Variants in CLPB observed in about 807,000 individuals in gnomAD.
CLPB encodes ClpB family mitochondrial disaggregase, also known as mitochondrial disaggregase.
Under a neutral mutation model 78.4 loss-of-function variants are expected in CLPB, and 40 were observed. The ratio of observed to expected loss-of-function variants is 0.51; its 90% CI spans 0.40 to 0.66. CLPB has a LOEUF of 0.66. Ranked by LOEUF, CLPB falls within the 30% of genes least tolerant of loss-of-function variation. The pLI is 0.00. For synonymous variants in CLPB, 333 were observed against 348.0 expected (o/e 0.96, Z 0.48); for missense variants, 780 against 886.9 (o/e 0.88, Z 1.53).
chr11:72,417,631 A>G (rs929875287), intron 2 of CLPB, among the ~76,000 whole-genome samples: 1 of 152,202 alleles, frequency 6.6e-6, no homozygotes, highest in African/African-American at 2.4e-5. Flanking sequence ...AAAAAGAATG[A>G]ATGTATATTC....
At chr11:72,426,896 C>T (rs1299736351) in intron 2 of CLPB, among the ~76,000 whole-genome samples, 1 of 152,288 alleles carries the variant, frequency 6.6e-6, no homozygotes, top group South Asian at 2.1e-4. Flanking sequence ...AAAGGAGCTC[C>T]CTCCTGTGAC....
intron 3 of CLPB, among the ~76,000 whole-genome samples, chr11:72,399,240 T>A (rs1158972447): frequency 6.6e-6 from 1 of 151,988 alleles, no homozygotes; most frequent in African/African-American, 2.4e-5. Flanking sequence ...TATATAACAA[T>A]CAATTTCCAG....
At chr11:72,400,246 G>A (rs1855522659) in intron 3 of CLPB, among the ~76,000 whole-genome samples, 1 of 152,134 alleles carries the variant, frequency 6.6e-6, no homozygotes, top group Non-Finnish European at 1.5e-5. Context: ...TCTGCGATAT[G>A]AATACATAAA....
chr11:72,307,338 C>CTA, intron 8 of CLPB, 84 bp from the exon 9 acceptor site: 3 of 1,126,882 alleles, frequency 2.7e-6, no homozygotes, highest in Non-Finnish European at 4.1e-6. Context: ...TGCACGGACA[C>CTA]TAGAAAGAAT....
chr11:72,420,119 G>T (rs1856148703), intron 2 of CLPB, among the ~76,000 whole-genome samples: 2 of 152,160 alleles, frequency 1.3e-5, no homozygotes, highest in Admixed American at 6.5e-5. Context: ...ACCAAGGCAG[G>T]ACTGCTTGAG....
At chr11:72,333,041 T>G (rs146598831) in intron 5 of CLPB, 1 of 152,194 alleles carries the variant, frequency 6.6e-6, no homozygotes, top group East Asian at 1.9e-4. Context: ...TGCTCGGTAC[T>G]TTCTGAGGGA....
intron 6 of CLPB, among the ~76,000 whole-genome samples, chr11:72,322,038 C>T (rs1242221302): frequency 1.3e-5 from 2 of 151,956 alleles, no homozygotes; most frequent in Admixed American, 6.6e-5. Flanking sequence ...GGAGTGCCAA[C>T]AAAGAAGTCT....
In CLPB at chr11:72,434,498, C is replaced by T. The variant is rs962997744; in HGVS notation, c.-24G>A. On this transcript the variant is annotated 5_prime_UTR_variant, in exon 1 of 16. Transcript: ENST00000538039. ...ATCTTGACAGCTGCTTCGATAACCC[C>T]GTGGTGCCGGCCCCTGTGCTGACCA... 126 of 1,521,284 alleles carry T rather than the reference C, an allele frequency of 8.3e-5. No individual in the cohort carries two copies. The highest frequency in any genetic ancestry group is 1.0e-4 in the Non-Finnish European group (117 of 1,133,974). The allele number at this position is 1,521,284 out of a possible 1,614,324, so 94.2% of individuals were successfully genotyped here.
chr11:72,433,941 A>G, intron 1 of CLPB, 131 bp downstream of exon 1: 1 of 1,132,152 alleles, frequency 8.8e-7, no homozygotes, highest in South Asian at 1.5e-5. Flanking sequence ...CTGTAACCAG[A>G]TGATGTCTGA....
At chr11:72,422,033 C>A (rs1351373694) in intron 2 of CLPB, among the ~76,000 whole-genome samples, 1 of 151,048 alleles carries the variant, frequency 6.6e-6, no homozygotes, top group African/African-American at 2.4e-5. Context: ...TTTGGGAGGC[C>A]AAGGCGGGCG....
chr11:72,331,046 C>T (rs1950215334), intron 5 of CLPB, among the ~76,000 whole-genome samples: 1 of 151,902 alleles, frequency 6.6e-6, no homozygotes, highest in Non-Finnish European at 1.5e-5. Context: ...TTGCAAGTCT[C>T]TACTTTAAAA....
At chr11:72,385,493 T>C (rs1264899595) in intron 3 of CLPB, among the ~76,000 whole-genome samples, 1 of 152,254 alleles carries the variant, frequency 6.6e-6, no homozygotes, top group Non-Finnish European at 1.5e-5. Context: ...TCTCTCTGAA[T>C]GCACATACAT....
intron 2 of CLPB, among the ~76,000 whole-genome samples, chr11:72,406,960 CTGTTT>C (rs1375734999): frequency 6.6e-6 from 1 of 152,084 alleles, no homozygotes; most frequent in South Asian, 2.1e-4. Flanking sequence ...ACAGAAAATT[CTGTTT>C]TAAGTATACT....
At chr11:72,328,497 A>G (rs1247798107) in intron 6 of CLPB, among the ~76,000 whole-genome samples, 4 of 152,338 alleles carry the variant, frequency 2.6e-5, no homozygotes, top group Middle Eastern at 3.4e-3. Context: ...TGGTAGCCCA[A>G]GGTCACATGG....
In CLPB at chr11:72,286,325, G is replaced by C. The variant is rs1304198095; in HGVS notation, c.*7042C>G. On this transcript the variant is annotated 3_prime_UTR_variant, in exon 16 of 16. Coordinates refer to ENST00000538039, the MANE Select transcript of CLPB (RefSeq NM_001258392.3). ...AGCTCACTGTAACCTCATACTCCTA[G>C]ACTCAAGGAATCTTCCACCTCAGCC... 2 of 145,298 alleles carry C rather than the reference G, an allele frequency of 1.4e-5. No individual in the cohort carries two copies. Among genetic ancestry groups the C allele is most frequent in the Non-Finnish European group, 3.0e-5 (2 of 67,062 alleles). 9.0% of individuals were successfully genotyped at this position (145,298 alleles called of 1,614,324 possible).
intron 5 of CLPB, chr11:72,351,282 T>C (rs1950610018): frequency 6.6e-6 from 1 of 152,246 alleles, no homozygotes; most frequent in African/African-American, 2.4e-5. Context: ...AGTGTGACTA[T>C]ATTTGTCCCA....
At chr11:72,382,716 C>T (rs1854953826) in intron 3 of CLPB, among the ~76,000 whole-genome samples, 1 of 152,166 alleles carries the variant, frequency 6.6e-6, no homozygotes, top group Admixed American at 6.5e-5. Context: ...TGGTGAAGGG[C>T]TTTCTCAGGC....
rs536935703 is a variant in CLPB, at chr11:72,294,310, G to C, written c.1680+15C>G. On this transcript the variant is annotated intron_variant, in intron 14 of 15. Transcript: ENST00000538039. The stretch of plus-strand genomic sequence containing the variant: ...CTGGCTATCCCGCCCCCACCCATGG[G>C]CAGTTCCCTCTTACTCTCTTGGCCC... 4 of 1,614,244 alleles carry C rather than the reference G, an allele frequency of 2.5e-6. No homozygotes were observed. In the East Asian group the frequency reaches 8.9e-5, roughly 36 times the overall value.
At chr11:72,333,989 AG>A (rs1451001323) in intron 5 of CLPB, among the ~76,000 whole-genome samples, 1 of 152,200 alleles carries the variant, frequency 6.6e-6, no homozygotes, top group East Asian at 1.9e-4. Flanking sequence ...GACCTCTGGA[AG>A]GGGAAGAATG....
Sources: gnomAD v4.1 joint callset for allele counts (sites outside exome capture counted in the v4.1 genomes callset) on GRCh38, gnomAD v4.1.1 for gene constraint, MANE v1.5 for transcripts, NCBI Gene and HGNC (gene_info 2026-07-23, HGNC 2026-07-21) for gene names.